NLGN1: variants seen among roughly 807,000 people sequenced by gnomAD.
NLGN1 encodes neuroligin-1.
A neutral mutation model predicts 65.5 loss-of-function variants in NLGN1; 12 were observed. That is an observed-to-expected ratio of 0.18 (90% CI 0.12 to 0.30). The LOEUF (loss-of-function observed/expected upper bound fraction) is 0.30, where lower values mean the gene tolerates loss of function less well. Among genes scored for constraint, NLGN1 ranks in the 10% least tolerant of loss-of-function variants. NLGN1 has a pLI of 1.00. For synonymous variants in NLGN1, 350 were observed against 359.5 expected, an observed-to-expected ratio of 0.97 and a Z score of 0.30; for missense variants, 750 against 1,007.1, an observed-to-expected ratio of 0.74 and a Z score of 3.46.
At chr3:173,887,267 A>G (rs549266630) in intron 4 of NLGN1, among the ~76,000 whole-genome samples, 9 of 152,142 alleles carry the variant, frequency 5.9e-5, no homozygotes, top group Admixed American at 3.9e-4. Flanking sequence ...GATTCTACCT[A>G]TATTTCTTGG....
chr3:174,049,199 C>G (rs1474347368), intron 4 of NLGN1, among the ~76,000 whole-genome samples: 3 of 152,064 alleles, frequency 2.0e-5, no homozygotes, highest in African/African-American at 7.2e-5. Flanking sequence ...CAGCTAGTAA[C>G]TATGTTGGTC....
In NLGN1 at chr3:173,493,721, T is replaced by A. The variant is rs1264119704; in HGVS notation, c.-321+58643T>A. On this transcript the variant is annotated intron_variant, in intron 2 of 6. Coordinates refer to ENST00000457714, the Ensembl canonical transcript of NLGN1. ...TTCACACAACCAGTAAATGGAAAAC[T>A]GGATTAAAATGTAGGCAGTGTAGCA... is the stretch of plus-strand genomic sequence containing the variant. Among the ~76,000 whole-genome samples, 3 of 151,736 alleles carry A rather than the reference T, an allele frequency of 2.0e-5. No homozygotes were observed. The East Asian group carries it at 5.8e-4, about 29-fold the overall frequency.
chr3:173,666,799 A>C (rs11713169), intron 3 of NLGN1, among the ~76,000 whole-genome samples: 16,361 of 152,188 alleles, frequency 0.11, 1,137 homozygotes, highest in Non-Finnish European at 0.15. Context: ...TTTTAATGGC[A>C]CTCAGCATTA....
chr3:173,576,448 G>C (rs1356998696), intron 2 of NLGN1, among the ~76,000 whole-genome samples: 1 of 152,084 alleles, frequency 6.6e-6, no homozygotes, highest in Non-Finnish European at 1.5e-5. Flanking sequence ...GTTCTTTTTG[G>C]AAGTTCTAGA....
chr3:173,562,196 C>T (rs1742846134), intron 2 of NLGN1, among the ~76,000 whole-genome samples: 1 of 152,110 alleles, frequency 6.6e-6, no homozygotes, highest in Non-Finnish European at 1.5e-5. Flanking sequence ...TGAGCTAATC[C>T]TAGAAATTGC....
intron 3 of NLGN1, among the ~76,000 whole-genome samples, chr3:173,657,139 A>C (rs548376823): frequency 2.6e-5 from 4 of 151,942 alleles, no homozygotes; most frequent in Non-Finnish European, 5.9e-5. Flanking sequence ...TTGGGATCTC[A>C]TGGTGTGTTT....
intron 4 of NLGN1, among the ~76,000 whole-genome samples, chr3:173,981,960 A>G (rs1053076876): frequency 1.6e-4 from 25 of 152,146 alleles, no homozygotes; most frequent in African/African-American, 6.0e-4. Context: ...ATTTTTTATT[A>G]TATTTATGAT....
chr3:174,292,044 G>A, the NLGN1 span, among the ~76,000 whole-genome samples: 1 of 151,250 alleles, frequency 6.6e-6, no homozygotes, highest in Non-Finnish European at 1.5e-5. Flanking sequence ...GAGGGATATT[G>A]TGATATGCTA....
chr3:174,217,332 A>T (rs970081042), intron 4 of NLGN1, among the ~76,000 whole-genome samples: 4 of 152,130 alleles, frequency 2.6e-5, no homozygotes, highest in African/African-American at 9.7e-5. Context: ...CTATTTCCAA[A>T]TGAAAACATA....
intron 2 of NLGN1, among the ~76,000 whole-genome samples, chr3:173,582,395 A>T (rs1746536009): frequency 6.6e-6 from 1 of 152,082 alleles, no homozygotes; most frequent in Admixed American, 6.5e-5. Context: ...AACTATTGCT[A>T]AACTGCTCTC....
At chr3:173,424,211 C>T (rs11922670) in intron 1 of NLGN1, among the ~76,000 whole-genome samples, 29 of 152,266 alleles carry the variant, frequency 1.9e-4, no homozygotes, top group Admixed American at 3.9e-4. Flanking sequence ...GCCCTGGGCC[C>T]GGCCTGTGAA....
At chr3:174,009,355 G>A (rs1389576331) in intron 4 of NLGN1, among the ~76,000 whole-genome samples, 1 of 152,138 alleles carries the variant, frequency 6.6e-6, no homozygotes, top group African/African-American at 2.4e-5. Flanking sequence ...AGGCATTCAG[G>A]TCATAGGAAG....
At chr3:174,183,246 C>T (rs530058026) in intron 4 of NLGN1, among the ~76,000 whole-genome samples, 1 of 152,240 alleles carries the variant, frequency 6.6e-6, no homozygotes, top group African/African-American at 2.4e-5. Flanking sequence ...CTTCTCCTGC[C>T]AGGCAGAGTT....
intron 3 of NLGN1, among the ~76,000 whole-genome samples, chr3:173,692,762 A>T (rs752311181): frequency 6.6e-6 from 1 of 152,140 alleles, no homozygotes; most frequent in Non-Finnish European, 1.5e-5. Flanking sequence ...TTTTTGCAAT[A>T]TACTTAGAAG....
intron 4 of NLGN1, among the ~76,000 whole-genome samples, chr3:173,927,207 G>A (rs535068902): frequency 2.0e-5 from 3 of 152,222 alleles, no homozygotes; most frequent in African/African-American, 7.2e-5. Flanking sequence ...GGGATTACAG[G>A]TGCATGTCTC....
intron 4 of NLGN1, among the ~76,000 whole-genome samples, chr3:174,118,670 A>C (rs1163190277): frequency 6.6e-6 from 1 of 151,396 alleles, no homozygotes; most frequent in Non-Finnish European, 1.5e-5. Context: ...ATATGGGGTG[A>C]TTTCAGGAGT....
chr3:173,471,420 T>C (rs1576849894), intron 2 of NLGN1, among the ~76,000 whole-genome samples: 1 of 152,090 alleles, frequency 6.6e-6, no homozygotes, highest in South Asian at 2.1e-4. Context: ...CCTTGGCTTG[T>C]AGATAAACCA....
At chr3:174,264,475 C>T (rs1383255727) in intron 4 of NLGN1, among the ~76,000 whole-genome samples, 2 of 150,392 alleles carry the variant, frequency 1.3e-5, no homozygotes, top group South Asian at 2.1e-4. Context: ...TTGATCGCAT[C>T]GGCTCCTGAG....
intron 2 of NLGN1, among the ~76,000 whole-genome samples, chr3:173,557,405 A>G (rs1355144137): frequency 6.6e-6 from 1 of 152,000 alleles, no homozygotes; most frequent in Admixed American, 6.5e-5. Context: ...CTCATTTTCA[A>G]ATCTTATCTT....
Sources: allele counts gnomAD v4.1 joint callset (sites outside exome capture counted in the v4.1 genomes callset), GRCh38; gene constraint gnomAD v4.1.1; transcripts MANE v1.5; gene names NCBI Gene and HGNC (gene_info 2026-07-23, HGNC 2026-07-21).